NFIC: variants seen among roughly 807,000 people sequenced by gnomAD.
The protein encoded by NFIC is nuclear factor I C.
A neutral mutation model predicts 54.4 loss-of-function variants in NFIC; 12 were observed. That is an observed-to-expected ratio of 0.22 (90% confidence interval 0.14 to 0.36). The LOEUF (loss-of-function observed/expected upper bound fraction) is 0.36. Among genes scored for constraint, NFIC ranks in the 10% least tolerant of loss-of-function variants. NFIC has a pLI of 1.00. For synonymous variants in NFIC, 322 were observed against 319.2 expected (o/e 1.01, Z -0.09); for missense variants, 575 against 718.2 (o/e 0.80, Z 2.28).
chr19:3,423,990 T>C (rs1325067220), intron 2 of NFIC, among the ~76,000 whole-genome samples: 2 of 152,278 alleles, frequency 1.3e-5, no homozygotes, highest in Non-Finnish European at 2.9e-5. Context: ...GCTGAATGAC[T>C]GAACCTCATT....
chr19:3,373,223 C>T (rs796597293), intron 1 of NFIC, among the ~76,000 whole-genome samples: 58 of 152,350 alleles, frequency 3.8e-4, no homozygotes, highest in African/African-American at 1.3e-3. Context: ...CCTCTCTCCT[C>T]CACCTCCTGG....
rs73919131 is a variant in NFIC at position 3,375,371 on chromosome 19, C to T, written c.31-6341C>T. 0.022 allele frequency among the ~76,000 whole-genome samples: 3,420 copies of T among 152,304 alleles called. 125 individuals are homozygous for T. The highest frequency in any genetic ancestry group is 0.077 in the African/African-American group (3,204 of 41,558). On this transcript the variant is annotated intron_variant, in intron 1 of 10. Coordinates refer to ENST00000443272, the MANE Select transcript of NFIC (RefSeq NM_001245002.2). The surrounding 1 kb of genome is among the most constrained non-coding windows in gnomAD (Gnocchi z 4.6). The stretch of plus-strand genomic sequence containing the variant: ...CTCTGCCGCGTCCCACTGTGCCCCC[C>T]ACCACCCCCACTGCCCGGCTTCCCT...
rs1466495446 is a variant in NFIC, at chr19:3,449,040, G to A, written c.985G>A (p.Glu329Lys). The stretch of plus-strand genomic sequence containing the variant: ...CATCTCGTCCCCGGTGAAGAAGACA[G>A]AGATGGACAAGTCACCATTCAACAG... ...GGISSPVKKT[E>K]MDKSPFNSPS... The change falls in exon 7 of 11, where the codon GAG (glutamate) becomes AAG (lysine). Residue 329 changes from glutamate (E) to lysine (K), a missense_variant. Transcript: ENST00000443272. 3 of 1,613,404 alleles carry A rather than the reference G, an allele frequency of 1.9e-6. No individual in the cohort carries two copies. Among genetic ancestry groups the A allele is most frequent in the Non-Finnish European group, 1.7e-6 (2 of 1,179,766 alleles).
chr19:3,364,517 G>C (rs138928847), upstream of NFIC, among the ~76,000 whole-genome samples: 2 of 152,278 alleles, frequency 1.3e-5, no homozygotes, highest in Admixed American at 6.5e-5. Context: ...GCTGCTGTTC[G>C]TACACTTGCA....
At position 3,369,852 on chromosome 19, in the gene NFIC, C is replaced by T. The variant is rs1056768472; in HGVS notation, c.30+3186C>T. Among the ~76,000 whole-genome samples, 11 of 152,330 alleles carry T rather than the reference C, an allele frequency of 7.2e-5. No homozygotes were observed. Among genetic ancestry groups the T allele is most frequent in the African/African-American group, 2.6e-4 (11 of 41,582 alleles). ...CGGATTCCCCGAGCCACCTCCATCC[C>T]GCCACCGGGTCCCTGTCTCATTCGT... On this transcript the variant is annotated intron_variant, in intron 1 of 10. Coordinates refer to ENST00000443272, the MANE Select transcript of NFIC (RefSeq NM_001245002.2). This position sits in a 1 kb window ranked among gnomAD's most constrained non-coding sequence, Gnocchi z 4.3.
At chr19:3,379,673 C>CTTTTTTTTTTTTTTTTTTTTTTTTTT (rs370082450) in intron 1 of NFIC, among the ~76,000 whole-genome samples, 1 of 102,538 alleles carries the variant, frequency 9.8e-6, no homozygotes, top group Non-Finnish European at 1.8e-5. Context: ...TTATTTCTTT[C>CTTTTTTTTTTTTTTTTTTTTTTTTTT]TTTTTTTTTT....
At chr19:3,387,570 A>AG (rs1311951930) in intron 2 of NFIC, among the ~76,000 whole-genome samples, 1 of 149,172 alleles carries the variant, frequency 6.7e-6, no homozygotes, top group East Asian at 2.0e-4. Context: ...AGGGACATGG[A>AG]GGGGGGCTGG....
rs890317289 is a variant in NFIC, at chr19:3,464,183, G to T, written c.*1414G>T. On this transcript the variant is annotated 3_prime_UTR_variant, in exon 11 of 11. Coordinates refer to ENST00000443272, the MANE Select transcript of NFIC (RefSeq NM_001245002.2). ...TTGCACTTTCATCGCCTACCCCGAC[G>T]CGGGGCCCAGCTGCGGGACGTGCAT... 6 of 985,226 alleles carry T rather than the reference G, an allele frequency of 6.1e-6. No individual in the cohort carries two copies. Among genetic ancestry groups the T allele is most frequent in the Non-Finnish European group, 1.2e-6 (1 of 829,918 alleles). 61.0% of individuals were successfully genotyped at this position (985,226 alleles called of 1,614,324 possible).
intron 7 of NFIC, among the ~76,000 whole-genome samples, chr19:3,450,713 A>T (rs1024501792): frequency 6.6e-6 from 1 of 152,178 alleles, no homozygotes; most frequent in Non-Finnish European, 1.5e-5. Context: ...ATTGGGATTA[A>T]GGGGGGTGAA....
rs776863055 is a variant in NFIC at position 3,382,235 on chromosome 19, G to A, written c.554G>A (p.Arg185His). 132 of 1,600,288 alleles carry A rather than the reference G, an allele frequency of 8.2e-5. 1 individual carries two copies. The highest frequency in any genetic ancestry group is 7.8e-4 in the Admixed American group (47 of 59,934). ...GACCTCTACCTGGCCTACTTCGTGC[G>A]TGAGCGAGGTGAGGTGTGGTGGCCT... Reference protein sequence around the residue: ...ELDLYLAYFVRERDAEQSGSP... With the variant: ...ELDLYLAYFVHERDAEQSGSP... The change falls in exon 2 of 11, where the codon CGT becomes CAT. Residue 185 changes from arginine to histidine, a missense_variant. Coordinates refer to ENST00000443272, the MANE Select transcript of NFIC (RefSeq NM_001245002.2).
intron 10 of NFIC, among the ~76,000 whole-genome samples, chr19:3,461,879 C>T (rs2082643881): frequency 6.6e-6 from 1 of 151,058 alleles, no homozygotes; most frequent in Non-Finnish European, 1.5e-5. Context: ...CATGGTGAAA[C>T]CCTGTCTCTA....
intron 2 of NFIC, among the ~76,000 whole-genome samples, chr19:3,401,643 G>A (rs2081557144): frequency 6.6e-6 from 1 of 152,188 alleles, no homozygotes; most frequent in South Asian, 2.1e-4. Context: ...TGGTGCCCGG[G>A]AGGCCCGTGG....
chr19:3,392,944 A>G (rs1359525569), intron 2 of NFIC, among the ~76,000 whole-genome samples: 1 of 151,842 alleles, frequency 6.6e-6, no homozygotes, highest in African/African-American at 2.4e-5. Flanking sequence ...CTTTATTTTT[A>G]TTTTTTATTT....
chr19:3,394,386 G>A (rs1225361857), intron 2 of NFIC, among the ~76,000 whole-genome samples: 1 of 151,976 alleles, frequency 6.6e-6, no homozygotes, highest in African/African-American at 2.4e-5. Context: ...AGGCTGAGGT[G>A]GGAAGATCGC....
chr19:3,377,175 A>T (rs2081122348), intron 1 of NFIC, among the ~76,000 whole-genome samples: 3 of 151,474 alleles, frequency 2.0e-5, no homozygotes, highest in Admixed American at 1.3e-4. Context: ...AAAAAAAAAA[A>T]TACAAAAAAT....
intron 9 of NFIC, among the ~76,000 whole-genome samples, chr19:3,455,445 C>T (rs112521510): frequency 2.4e-3 from 349 of 146,048 alleles, no homozygotes; most frequent in African/African-American, 7.6e-3. Context: ...CAGGATACTG[C>T]GTAGGATCCA....
chr19:3,467,426 G>C lies in NFIC; in HGVS notation c.*4657G>C, dbSNP rs956092135. 59 of 151,674 alleles carry C rather than the reference G, an allele frequency of 3.9e-4. No individual in the cohort carries two copies. Among genetic ancestry groups the C allele is most frequent in the African/African-American group, 1.4e-3 (57 of 41,324 alleles). The allele number at this position is 151,674 out of a possible 1,614,324, so 9.4% of individuals were successfully genotyped here. A position where few individuals can be genotyped will look rare whatever the true frequency, so the allele number is the denominator to read the frequency against. Reference sequence around the variant, plus strand: ...CTTCATGCCCAGGTCTGGAACCCAGGTTCTGACCCCAGGGCCCCACCCTGG... The same window carrying C: ...CTTCATGCCCAGGTCTGGAACCCAGCTTCTGACCCCAGGGCCCCACCCTGG... On this transcript the variant is annotated 3_prime_UTR_variant, in exon 11 of 11. Transcript: ENST00000443272.
At chr19:3,368,445 G>A (rs930345238) in intron 1 of NFIC, among the ~76,000 whole-genome samples, 1 of 152,202 alleles carries the variant, frequency 6.6e-6, no homozygotes, top group Non-Finnish European at 1.5e-5. Context: ...CAGGAGGGCT[G>A]TCTGTGGAAA....
At chr19:3,392,983 C>A (rs957681379) in intron 2 of NFIC, among the ~76,000 whole-genome samples, 4 of 152,178 alleles carry the variant, frequency 2.6e-5, no homozygotes, top group Admixed American at 2.6e-4. Flanking sequence ...CCCTGTCGCC[C>A]AGGCTGGAGT....
Sources: gnomAD v4.1 joint callset for allele counts (sites outside exome capture counted in the v4.1 genomes callset) on GRCh38, gnomAD v4.1.1 for gene constraint, Gnocchi (gnomAD v3.1) non-coding constraint, MANE v1.5 for transcripts, NCBI Gene and HGNC (gene_info 2026-07-23, HGNC 2026-07-21) for gene names.